Variants in GABRB1 observed in about 807,000 individuals in gnomAD.
GABRB1 encodes gamma-aminobutyric acid receptor subunit beta-1.
In GABRB1, 17 loss-of-function variants were observed where a neutral mutation model predicts 51.6. The observed-to-expected ratio is 0.33, with a 90% CI of 0.23 to 0.49. The LOEUF (loss-of-function observed/expected upper bound fraction) is 0.49. GABRB1 is among the 20% of genes least tolerant of loss of function. The pLI is 0.99. For synonymous variants in GABRB1, 247 were observed against 218.9 expected, an observed-to-expected ratio of 1.13 and a Z score of -1.14; for missense variants, 410 against 600.6, an observed-to-expected ratio of 0.68 and a Z score of 3.32.
At chr4:47,214,309 C>T (rs942416916) in intron 4 of GABRB1, among the ~76,000 whole-genome samples, 1 of 152,160 alleles carries the variant, frequency 6.6e-6, no homozygotes, top group African/African-American at 2.4e-5. Context: ...TCAATCATTC[C>T]TCAGCCCTCT....
chr4:47,334,534 A>C (rs553856046), intron 5 of GABRB1, among the ~76,000 whole-genome samples: 46 of 152,326 alleles, frequency 3.0e-4, no homozygotes, highest in African/African-American at 7.9e-4. Flanking sequence ...AGTATCATTA[A>C]TACTCCTAAA....
chr4:47,240,280 T>C (rs1233532024), intron 4 of GABRB1, among the ~76,000 whole-genome samples: 2 of 152,218 alleles, frequency 1.3e-5, no homozygotes, highest in Non-Finnish European at 2.9e-5. Flanking sequence ...AAAAGTGAGC[T>C]AATACGTCAA....
At chr4:47,130,920 G>A (rs964539122) in intron 3 of GABRB1, among the ~76,000 whole-genome samples, 1 of 152,166 alleles carries the variant, frequency 6.6e-6, no homozygotes, top group African/African-American at 2.4e-5. Flanking sequence ...TCCATTAGGT[G>A]AGCTTAAAAA....
intron 4 of GABRB1, among the ~76,000 whole-genome samples, chr4:47,311,119 C>T (rs1471642412): frequency 6.8e-6 from 1 of 146,966 alleles, no homozygotes; most frequent in African/African-American, 2.5e-5. Flanking sequence ...CGCTGGAGGA[C>T]GCGGTGGCTC....
At chr4:47,336,057 A>G (rs1725686241) in intron 5 of GABRB1, among the ~76,000 whole-genome samples, 1 of 152,218 alleles carries the variant, frequency 6.6e-6, no homozygotes, top group African/African-American at 2.4e-5. Context: ...TCTAAATCAA[A>G]GCCCTGAGAA....
intron 4 of GABRB1, among the ~76,000 whole-genome samples, chr4:47,252,544 G>A (rs928854600): frequency 4.2e-5 from 5 of 120,062 alleles, no homozygotes; most frequent in Non-Finnish European, 6.4e-5. Flanking sequence ...GTCTCACTCT[G>A]TCACCCAGGC....
In GABRB1 at chr4:47,077,633, A is replaced by C. The variant is rs150734195; in HGVS notation, c.240+45149A>C. 5.9e-5 allele frequency among the ~76,000 whole-genome samples: 9 copies of C among 151,768 alleles called. No individual in the cohort carries two copies. In the East Asian group the frequency reaches 1.7e-3, roughly 29 times the overall value. ...TCTCAATCATGCTAAGAAAAACACAATCACTCAATGAAGAGTTTGCCTACG... is the reference window on the plus strand; with the variant it reads ...TCTCAATCATGCTAAGAAAAACACACTCACTCAATGAAGAGTTTGCCTACG... On this transcript the variant is annotated intron_variant, in intron 3 of 8. Transcript: ENST00000295454.
At chr4:47,025,734 GAT>G (rs1285824574) in intron 1 of GABRB1, among the ~76,000 whole-genome samples, 3 of 151,902 alleles carry the variant, frequency 2.0e-5, no homozygotes, top group African/African-American at 7.3e-5. Context: ...CAAATCCCCA[GAT>G]TTCTTTTGCT....
chr4:47,285,678 T>C (rs1484656421), intron 4 of GABRB1, among the ~76,000 whole-genome samples: 1 of 152,196 alleles, frequency 6.6e-6, no homozygotes, highest in Non-Finnish European at 1.5e-5. Context: ...CCTAACTATG[T>C]GACATTGGCC....
At chr4:47,412,353 G>A (rs541014581) in intron 8 of GABRB1, among the ~76,000 whole-genome samples, 25 of 152,084 alleles carry the variant, frequency 1.6e-4, no homozygotes, top group East Asian at 5.8e-4. Flanking sequence ...TAGAAATCAC[G>A]CATTCAGTGT....
chr4:46,995,269 T>C (rs1420181945), intron 1 of GABRB1, among the ~76,000 whole-genome samples: 1 of 152,170 alleles, frequency 6.6e-6, no homozygotes, highest in Non-Finnish European at 1.5e-5. Flanking sequence ...TTGGGAAAAA[T>C]AGCGGAAGAA....
intron 5 of GABRB1, among the ~76,000 whole-genome samples, chr4:47,345,784 C>A (rs187178795): frequency 6.6e-6 from 1 of 152,106 alleles, no homozygotes; most frequent in African/African-American, 2.4e-5. Context: ...AATACAGGAA[C>A]ACAATAGTTT....
chr4:47,081,083 G>A (rs1727823630), intron 3 of GABRB1, among the ~76,000 whole-genome samples: 1 of 152,116 alleles, frequency 6.6e-6, no homozygotes, highest in Non-Finnish European at 1.5e-5. Context: ...ACGATTCTGA[G>A]GAATGGCATG....
At position 47,389,834 on chromosome 4, in the gene GABRB1, A is replaced by AT. The variant is rs1727924648; in HGVS notation, c.545-13482dup. Among the ~76,000 whole-genome samples, 3 of 152,246 alleles carry AT rather than the reference A, an allele frequency of 2.0e-5. 1 individual carries two copies. The highest frequency in any genetic ancestry group is 2.0e-4 in the Admixed American group (3 of 15,286). ...GCTACAACAGCAGAGCTCTTGATAA[A>AT]TTCCTAATATGTCTCCTCTCATGTG... On this transcript the variant is annotated intron_variant, in intron 5 of 8. Coordinates refer to ENST00000295454, the MANE Select transcript of GABRB1 (RefSeq NM_000812.4).
chr4:47,172,902 A>G (rs990072751), intron 4 of GABRB1, among the ~76,000 whole-genome samples: 55 of 152,068 alleles, frequency 3.6e-4, no homozygotes, highest in Non-Finnish European at 1.0e-4. Flanking sequence ...TCGGCCACCC[A>G]AAGTGCAGGT....
rs1725318631 is a variant in GABRB1 at position 47,031,908 on chromosome 4, C to T, written c.81-6C>T. ...TTTGAATACGGTCCCTACTTCTTCC[C>T]CTTAGCACCAATGAACCCAGCAACA... On this transcript the variant is annotated splice_region_variant and splice_polypyrimidine_tract_variant and intron_variant, in intron 1 of 8. Coordinates refer to ENST00000295454, the MANE Select transcript of GABRB1 (RefSeq NM_000812.4). 3 of 1,612,966 alleles carry T rather than the reference C, an allele frequency of 1.9e-6. No individual in the cohort carries two copies. The highest frequency in any genetic ancestry group is 2.5e-6 in the Non-Finnish European group (3 of 1,179,146).
At chr4:47,225,406 A>G in intron 4 of GABRB1, among the ~76,000 whole-genome samples, 1 of 152,116 alleles carries the variant, frequency 6.6e-6, no homozygotes, top group Non-Finnish European at 1.5e-5. Flanking sequence ...AAGCACTGTT[A>G]GATGTTTTTC....
chr4:47,227,203 A>T (rs1293013365), intron 4 of GABRB1, among the ~76,000 whole-genome samples: 1 of 152,134 alleles, frequency 6.6e-6, no homozygotes, highest in Non-Finnish European at 1.5e-5. Context: ...GGGAAGGCAA[A>T]GTTGCTGCAA....
chr4:47,126,401 G>A (rs894295332), intron 3 of GABRB1, among the ~76,000 whole-genome samples: 4 of 152,084 alleles, frequency 2.6e-5, no homozygotes, highest in African/African-American at 9.7e-5. Context: ...TGATAAGAAA[G>A]TTGATTATAA....
Sources: allele counts gnomAD v4.1 joint callset (sites outside exome capture counted in the v4.1 genomes callset), GRCh38; gene constraint gnomAD v4.1.1; transcripts MANE v1.5; gene names NCBI Gene and HGNC (gene_info 2026-07-23, HGNC 2026-07-21).